The following C8A variants were observed in gnomAD, a reference collection of about 807,000 sequenced individuals.
C8A encodes complement component C8 alpha chain.
A neutral mutation model predicts 65.3 loss-of-function variants in C8A; 67 were observed. The ratio of observed to expected loss-of-function variants is 1.03; its 90% confidence interval spans 0.84 to 1.26. The LOEUF (loss-of-function observed/expected upper bound fraction) is 1.26, where lower values mean the gene tolerates loss of function less well. C8A is among the 50% of genes most tolerant of loss of function. C8A has a pLI of 0.00. For synonymous variants in C8A, 290 were observed against 259.4 expected (o/e 1.12, Z -1.13); for missense variants, 781 against 723.9 (o/e 1.08, Z -0.90).
chr1:56,888,839 C>T (rs757177779), intron 7 of C8A, among the ~76,000 whole-genome samples: 2 of 152,094 alleles, frequency 1.3e-5, no homozygotes, highest in Non-Finnish European at 2.9e-5. Flanking sequence ...ATTTAGAGAT[C>T]GGTGTTGTCC....
chr1:56,882,184 A>T (rs1644253579), intron 5 of C8A, among the ~76,000 whole-genome samples: 1 of 152,264 alleles, frequency 6.6e-6, no homozygotes, highest in Non-Finnish European at 1.5e-5. Flanking sequence ...GACTCTCTCC[A>T]TCTCTACAAT....
rs564695757 is a variant in C8A, at chr1:56,862,630, C to T, written c.78-4979C>T. On this transcript the variant is annotated intron_variant, in intron 1 of 10. Coordinates refer to ENST00000361249, the MANE Select transcript of C8A (RefSeq NM_000562.3). ...CAATAGCACCATATAGACTTGTGCT[C>T]ATTCTACAGACTAAAAAACTAAAAG... is the stretch of plus-strand genomic sequence containing the variant. Among the ~76,000 whole-genome samples the T allele has an allele frequency of 8.1e-4, 123 of 152,210 alleles. 2 individuals carry two copies. In the South Asian group the frequency reaches 0.025, roughly 31 times the overall value.
intron 7 of C8A, among the ~76,000 whole-genome samples, chr1:56,888,308 C>T (rs7516461): frequency 6.6e-6 from 1 of 152,098 alleles, no homozygotes; most frequent in African/African-American, 2.4e-5. Flanking sequence ...TGGCTAGAGT[C>T]ATTCATTAAT....
At chr1:56,905,579 G>T (rs1258676471) in intron 7 of C8A, among the ~76,000 whole-genome samples, 1 of 152,228 alleles carries the variant, frequency 6.6e-6, no homozygotes, top group Non-Finnish European at 1.5e-5. Context: ...GCTGTTTAAT[G>T]GGGACACAGG....
At chr1:56,900,939 A>G (rs1644422019) in intron 7 of C8A, among the ~76,000 whole-genome samples, 1 of 152,154 alleles carries the variant, frequency 6.6e-6, no homozygotes, top group African/African-American at 2.4e-5. Flanking sequence ...GAACATAGAC[A>G]TAGGGCCCTT....
At chr1:56,916,272 G>A (rs1160821860) in intron 10 of C8A, among the ~76,000 whole-genome samples, 2 of 152,226 alleles carry the variant, frequency 1.3e-5, no homozygotes, top group East Asian at 3.9e-4. Context: ...GGCAGCTCAT[G>A]GCGCTCCATC....
intron 4 of C8A, among the ~76,000 whole-genome samples, chr1:56,878,055 G>A (rs931228778): frequency 1.3e-5 from 2 of 152,170 alleles, no homozygotes; most frequent in African/African-American, 2.4e-5. Flanking sequence ...AAGTCAGGGT[G>A]TCAGCAGAGT....
chr1:56,893,029 A>G (rs1644360102), intron 7 of C8A, among the ~76,000 whole-genome samples: 1 of 152,134 alleles, frequency 6.6e-6, no homozygotes, highest in Admixed American at 6.6e-5. Context: ...TTCTGCCACC[A>G]TATCAAAGAC....
intron 10 of C8A, among the ~76,000 whole-genome samples, chr1:56,912,911 C>T (rs922970914): frequency 1.3e-5 from 2 of 152,156 alleles, no homozygotes; most frequent in Non-Finnish European, 2.9e-5. Flanking sequence ...GCTACCATAA[C>T]AAATCATCAC....
At chr1:56,870,715 C>T (rs552781801) in intron 2 of C8A, among the ~76,000 whole-genome samples, 1 of 147,076 alleles carries the variant, frequency 6.8e-6, no homozygotes, top group Non-Finnish European at 1.5e-5. Context: ...CAGCAGGTAC[C>T]ACAAGACAAT....
chr1:56,892,690 T>G (rs954707860), intron 7 of C8A, among the ~76,000 whole-genome samples: 2 of 152,116 alleles, frequency 1.3e-5, no homozygotes, highest in Non-Finnish European at 2.9e-5. Context: ...AGAGGTTAGA[T>G]GGATGTTTCA....
intron 7 of C8A, among the ~76,000 whole-genome samples, chr1:56,898,558 C>T (rs1341233552): frequency 6.6e-6 from 1 of 152,160 alleles, no homozygotes; most frequent in Non-Finnish European, 1.5e-5. Context: ...TATTCATCCT[C>T]AGTTCTCTGC....
intron 1 of C8A, among the ~76,000 whole-genome samples, chr1:56,859,440 G>T (rs1048437126): frequency 2.6e-5 from 4 of 152,204 alleles, no homozygotes; most frequent in Admixed American, 1.3e-4. Context: ...GGACAGGCAG[G>T]CTAAAGAAAG....
chr1:56,856,347 A>G (rs1284111107), intron 1 of C8A, among the ~76,000 whole-genome samples: 1 of 152,148 alleles, frequency 6.6e-6, no homozygotes, highest in Non-Finnish European at 1.5e-5. Context: ...AAGTAAGAAC[A>G]AAAATTAAAT....
rs1644436250 is a variant in C8A, at chr1:56,902,725, AAGTGGAATCAG to A, written c.1097-3941_1097-3931del. Among the ~76,000 whole-genome samples, 4 of 152,294 alleles carry A rather than the reference AAGTGGAATCAG, an allele frequency of 2.6e-5. No individual in the cohort carries two copies. In the East Asian group the frequency reaches 7.7e-4, roughly 29 times the overall value. ...ATCTGACTATTCATATATCTAATATAAGTGGAATCAGGCAGTCTTTATCCTTTTGTGACTGG... is the reference window on the plus strand; with the variant it reads ...ATCTGACTATTCATATATCTAATATAGCAGTCTTTATCCTTTTGTGACTGG... On this transcript the variant is annotated intron_variant, in intron 7 of 10. Transcript: ENST00000361249.
chr1:56,879,887 C>A (rs987722424), intron 4 of C8A, among the ~76,000 whole-genome samples: 2 of 152,102 alleles, frequency 1.3e-5, no homozygotes, highest in African/African-American at 4.8e-5. Context: ...GCAGTTTATC[C>A]CCTGCTCCTT....
chr1:56,904,776 C>T (rs1342684810), intron 7 of C8A, among the ~76,000 whole-genome samples: 3 of 152,166 alleles, frequency 2.0e-5, no homozygotes, highest in Non-Finnish European at 4.4e-5. Flanking sequence ...CACAGACTCC[C>T]CTTGCTGGCT....
rs1287509058 is a variant in C8A, at chr1:56,867,660, C to A, written c.129C>A (p.Asn43Lys). The change falls in exon 2 of 11, where the codon AAC becomes AAA. Residue 43 changes from asparagine (N) to lysine (K), a missense_variant. Coordinates refer to ENST00000361249, the MANE Select transcript of C8A (RefSeq NM_000562.3). ...TPAAVTCQLS[N>K]WSEWTDCFPC... ...CAGCAGTTACCTGCCAGCTGAGCAA[C>A]TGGTCAGAGTGGACAGATTGCTTTC... 1 of 1,613,912 alleles carries A rather than the reference C, an allele frequency of 6.2e-7. No homozygotes were observed. Among genetic ancestry groups the A allele is most frequent in the East Asian group, 2.2e-5 (1 of 44,870 alleles).
chr1:56,894,057 G>A (rs930720027), intron 7 of C8A, among the ~76,000 whole-genome samples: 2 of 152,064 alleles, frequency 1.3e-5, no homozygotes, highest in African/African-American at 4.8e-5. Context: ...GTACAGTGTA[G>A]GTGTTATTAT....
Sources: allele counts gnomAD v4.1 joint callset (sites outside exome capture counted in the v4.1 genomes callset), GRCh38; gene constraint gnomAD v4.1.1; transcripts MANE v1.5; gene names NCBI Gene and HGNC (gene_info 2026-07-23, HGNC 2026-07-21).